PRELID2: variants seen among roughly 807,000 people sequenced by gnomAD.
PRELID2 encodes PRELI domain containing 2.
PRELID2 carries 25 observed loss-of-function variants against 28.4 expected under a neutral mutation model. That is an observed-to-expected ratio of 0.88 (90% CI 0.64 to 1.23). The LOEUF (loss-of-function observed/expected upper bound fraction) is 1.23. Ranked by LOEUF, PRELID2 falls within the 50% of genes most tolerant of loss-of-function variation. PRELID2 has a pLI of 0.00. For synonymous variants in PRELID2, 76 were observed against 71.6 expected (o/e 1.06, Z -0.31); for missense variants, 201 against 214.4 (o/e 0.94, Z 0.39).
At chr5:145,386,005 G>A in the PRELID2 span, among the ~76,000 whole-genome samples, 1 of 151,950 alleles carries the variant, frequency 6.6e-6, no homozygotes, top group Non-Finnish European at 1.5e-5. Flanking sequence ...GATCATGGGG[G>A]CTGTATTAGT....
the PRELID2 span, among the ~76,000 whole-genome samples, chr5:145,388,447 C>T: frequency 6.6e-6 from 1 of 151,970 alleles, no homozygotes; most frequent in East Asian, 1.9e-4. Context: ...TTTCTTTTTC[C>T]CACTCCCATC....
intron 1 of PRELID2, among the ~76,000 whole-genome samples, chr5:145,562,315 C>T (rs1752931251): frequency 6.6e-6 from 1 of 152,142 alleles, no homozygotes; most frequent in Non-Finnish European, 1.5e-5. Flanking sequence ...GTCCTTGACT[C>T]CAGAAAAAAC....
chr5:145,752,715 C>T (rs1186804298), downstream of PRELID2, among the ~76,000 whole-genome samples: 3 of 152,162 alleles, frequency 2.0e-5, no homozygotes, highest in Non-Finnish European at 2.9e-5. Flanking sequence ...CACATCCTGT[C>T]GCCATTTACA....
At chr5:145,388,931 C>T in the PRELID2 span, among the ~76,000 whole-genome samples, 4 of 152,150 alleles carry the variant, frequency 2.6e-5, no homozygotes, top group African/African-American at 2.4e-5. Context: ...ATAACATCTG[C>T]ATGTACTTAT....
intron 1 of PRELID2, among the ~76,000 whole-genome samples, chr5:145,733,493 G>C (rs886497914): frequency 2.6e-5 from 4 of 152,154 alleles, no homozygotes; most frequent in African/African-American, 9.7e-5. Flanking sequence ...ATATTACTCT[G>C]CATTATCTTC....
chr5:145,274,799 A>G, the PRELID2 span, among the ~76,000 whole-genome samples: 1 of 152,158 alleles, frequency 6.6e-6, no homozygotes, highest in Non-Finnish European at 1.5e-5. Flanking sequence ...ATGCGAGTCA[A>G]TTATCCAACA....
chr5:145,632,454 G>T (rs1233998903), intron 1 of PRELID2, among the ~76,000 whole-genome samples: 1 of 152,142 alleles, frequency 6.6e-6, no homozygotes, highest in African/African-American at 2.4e-5. Context: ...TCAGAAAGCT[G>T]CTTGGTGGTT....
the PRELID2 span, among the ~76,000 whole-genome samples, chr5:145,268,983 G>T: frequency 6.6e-6 from 1 of 151,900 alleles, no homozygotes; most frequent in African/African-American, 2.4e-5. Flanking sequence ...ACAAAAGTGG[G>T]CAAAACCTCC....
At chr5:145,243,936 GTTTGTTTGTTTA>G in the PRELID2 span, among the ~76,000 whole-genome samples, 1 of 151,832 alleles carries the variant, frequency 6.6e-6, no homozygotes, top group Non-Finnish European at 1.5e-5. Flanking sequence ...CAAGTTTCTT[GTTTGTTTGTTTA>G]TTTGTTTGTT....
chr5:145,596,510 T>C (rs1273839475), intron 1 of PRELID2, among the ~76,000 whole-genome samples: 1 of 152,082 alleles, frequency 6.6e-6, no homozygotes, highest in African/African-American at 2.4e-5. Flanking sequence ...TTCTTCTCAT[T>C]TGAAAACCAG....
intron 1 of PRELID2, among the ~76,000 whole-genome samples, chr5:145,668,366 A>T (rs1581040690): frequency 9.6e-6 from 1 of 104,444 alleles, no homozygotes; most frequent in African/African-American, 5.3e-5. Flanking sequence ...GAAGGTGGTT[A>T]AAAAAAAAAA....
the PRELID2 span, among the ~76,000 whole-genome samples, chr5:145,254,917 A>G: frequency 6.2e-5 from 7 of 112,992 alleles, no homozygotes; most frequent in African/African-American, 3.1e-4. Flanking sequence ...ACTCTGAATT[A>G]AAAAAAAAAA....
chr5:145,368,791 TTTG>T, the PRELID2 span, among the ~76,000 whole-genome samples: 10 of 151,994 alleles, frequency 6.6e-5, no homozygotes, highest in South Asian at 2.1e-4. Flanking sequence ...TTTCATTTTT[TTTG>T]TTGTTGTTTT....
chr5:145,423,078 G>C, the PRELID2 span, among the ~76,000 whole-genome samples: 1 of 150,744 alleles, frequency 6.6e-6, no homozygotes, highest in Admixed American at 6.6e-5. Context: ...CTCTCTTCTG[G>C]CTTGTAGGGT....
chr5:145,670,666 C>T (rs1468610050), intron 1 of PRELID2, among the ~76,000 whole-genome samples: 1 of 152,158 alleles, frequency 6.6e-6, no homozygotes, highest in African/African-American at 2.4e-5. Context: ...TCCCTCTCCA[C>T]TTCCACCTAA....
At chr5:145,347,376 A>C in the PRELID2 span, among the ~76,000 whole-genome samples, 4 of 152,164 alleles carry the variant, frequency 2.6e-5, no homozygotes, top group African/African-American at 9.6e-5. Context: ...GCATCTTTCC[A>C]GTTCACCCAC....
At chr5:145,463,235 C>T in the PRELID2 span, among the ~76,000 whole-genome samples, 130 of 151,754 alleles carry the variant, frequency 8.6e-4, no homozygotes, top group Non-Finnish European at 1.2e-3. Context: ...TCATTTTGGT[C>T]TAACCTTTCT....
chr5:145,763,045 T>G (rs1371457990), intron 6 of PRELID2, among the ~76,000 whole-genome samples: 1 of 152,172 alleles, frequency 6.6e-6, no homozygotes, highest in Non-Finnish European at 1.5e-5. Flanking sequence ...GGCCCACCAA[T>G]CTGTGTTAAC....
chr5:145,468,546 GT>G (rs1399314242), downstream of PRELID2, among the ~76,000 whole-genome samples: 4 of 152,122 alleles, frequency 2.6e-5, no homozygotes, highest in African/African-American at 9.7e-5. Flanking sequence ...GTGTAAAAGT[GT>G]TTCCTATTTC....
Sources: gnomAD v4.1 joint callset for allele counts (sites outside exome capture counted in the v4.1 genomes callset) on GRCh38, gnomAD v4.1.1 for gene constraint, MANE v1.5 for transcripts, NCBI Gene and HGNC (gene_info 2026-07-23, HGNC 2026-07-21) for gene names.